The following MAPRE3 variants were observed in gnomAD, a reference collection of about 807,000 sequenced individuals.
MAPRE3 encodes the protein microtubule associated protein RP/EB family member 3.
MAPRE3 carries 2 observed loss-of-function variants against 30.5 expected under a neutral mutation model. That is an observed-to-expected ratio of 0.07 (90% confidence interval 0.03 to 0.21). The LOEUF is 0.21. Ranked by LOEUF, MAPRE3 falls within the 10% of genes least tolerant of loss-of-function variation. The pLI is 1.00. For missense variants in MAPRE3, 204 were observed against 351.8 expected, an observed-to-expected ratio of 0.58 and a Z score of 3.36; for synonymous variants, 110 against 127.7, an observed-to-expected ratio of 0.86 and a Z score of 0.93.
chr2:26,983,726 T>C (rs1666163995), intron 1 of MAPRE3, among the ~76,000 whole-genome samples: 1 of 152,216 alleles, frequency 6.6e-6, no homozygotes, highest in African/African-American at 2.4e-5. Context: ...AAATAACTAG[T>C]TGTTTTAAAG....
intron 1 of MAPRE3, chr2:27,013,157 C>T (rs1309039366): frequency 6.6e-6 from 1 of 152,658 alleles, no homozygotes; most frequent in African/African-American, 2.4e-5. Flanking sequence ...GTTCCCTTCC[C>T]AACACGTCAT....
chr2:26,990,050 G>A (rs1027965415), intron 1 of MAPRE3, among the ~76,000 whole-genome samples: 14 of 152,126 alleles, frequency 9.2e-5, no homozygotes, highest in Admixed American at 5.9e-4. Flanking sequence ...ACAGTGGTGC[G>A]TGCCTGAAGT....
chr2:27,010,498 A>G (rs372280357), intron 1 of MAPRE3, among the ~76,000 whole-genome samples: 8 of 135,618 alleles, frequency 5.9e-5, no homozygotes, highest in African/African-American at 2.2e-4. Flanking sequence ...GCTGGGGTGC[A>G]GTGGTGTGAT....
At chr2:26,997,136 C>T (rs969118737) in intron 1 of MAPRE3, among the ~76,000 whole-genome samples, 3 of 152,070 alleles carry the variant, frequency 2.0e-5, no homozygotes, top group South Asian at 2.1e-4. Flanking sequence ...AATTAGCAGT[C>T]CCCAACCTTT....
At chr2:26,983,777 C>T (rs1475256369) in intron 1 of MAPRE3, among the ~76,000 whole-genome samples, 1 of 152,186 alleles carries the variant, frequency 6.6e-6, no homozygotes. Context: ...ATATTCCTTT[C>T]AGCTTGGTTT....
rs1667125537 is a variant in MAPRE3, at chr2:27,022,344, G to A, written c.121+5G>A. The A allele has an allele frequency of 6.2e-7, 1 of 1,613,178 alleles. No homozygotes were observed. The highest frequency in any genetic ancestry group is 8.5e-7 in the Non-Finnish European group (1 of 1,179,348). ...AGATAGAACAGCTTTGTTCAGGTAGGAGGCTGGGAATATGGGAAGTGGCCC... is the reference window on the plus strand; with the variant it reads ...AGATAGAACAGCTTTGTTCAGGTAGAAGGCTGGGAATATGGGAAGTGGCCC... On this transcript the variant is annotated splice_donor_5th_base_variant and intron_variant, in intron 2 of 6. Transcript: ENST00000233121.
At chr2:27,009,769 C>T (rs1666807575) in intron 1 of MAPRE3, 1 of 152,258 alleles carries the variant, frequency 6.6e-6, no homozygotes, top group Non-Finnish European at 1.5e-5. Context: ...TTCCTCTTAA[C>T]TCTTACCTGC....
rs1667247792 is a variant in MAPRE3 at position 27,026,486 on chromosome 2, G to T, written c.*138G>T. The T allele has an allele frequency of 1.4e-6, 1 of 702,650 alleles. No individual in the cohort carries two copies. Among genetic ancestry groups the T allele is most frequent in the Admixed American group, 3.1e-5 (1 of 32,054 alleles). 43.5% of individuals were successfully genotyped at this position (702,650 alleles called of 1,614,324 possible). ...TGCAGCACTGGGGAGCCAGGCGAGG[G>T]GGGCTTGGGGGCATGGGGCCGGAAA... On this transcript the variant is annotated 3_prime_UTR_variant, in exon 7 of 7. Coordinates refer to ENST00000233121, the MANE Select transcript of MAPRE3 (RefSeq NM_012326.4).
At chr2:26,982,774 A>T (rs1486812937) in intron 1 of MAPRE3, among the ~76,000 whole-genome samples, 1 of 152,242 alleles carries the variant, frequency 6.6e-6, no homozygotes, top group Non-Finnish European at 1.5e-5. Flanking sequence ...GAGACCTAGC[A>T]GTATCTGGGG....
intron 2 of MAPRE3, chr2:27,022,569 A>C (rs548184170): frequency 2.0e-6 from 1 of 508,406 alleles, no homozygotes; most frequent in East Asian, 3.3e-5. Flanking sequence ...GGTATAGCCT[A>C]CTACTCCTAG....
At chr2:26,992,217 T>C (rs1481639523) in intron 1 of MAPRE3, among the ~76,000 whole-genome samples, 1 of 145,406 alleles carries the variant, frequency 6.9e-6, no homozygotes, top group African/African-American at 2.5e-5. Context: ...CACTGACTAA[T>C]GTTACCAGAT....
At chr2:26,987,495 G>T (rs1666248702) in intron 1 of MAPRE3, among the ~76,000 whole-genome samples, 1 of 152,016 alleles carries the variant, frequency 6.6e-6, no homozygotes, top group South Asian at 2.1e-4. Context: ...AAAAATAGCT[G>T]GGCATGGTGG....
intron 1 of MAPRE3, among the ~76,000 whole-genome samples, chr2:27,019,594 C>A (rs149464736): frequency 1.3e-5 from 2 of 152,186 alleles, no homozygotes; most frequent in Non-Finnish European, 2.9e-5. Context: ...GGCGCAGAGA[C>A]GTTGTGGAGG....
chr2:26,974,629 C>T (rs1665981257), intron 1 of MAPRE3, among the ~76,000 whole-genome samples: 1 of 152,168 alleles, frequency 6.6e-6, no homozygotes, highest in South Asian at 2.1e-4. Flanking sequence ...CCTTGGGAAG[C>T]GCGGAGGCAG....
intron 1 of MAPRE3, chr2:26,996,900 G>A (rs917779091): frequency 2.0e-5 from 3 of 152,136 alleles, no homozygotes; most frequent in Admixed American, 6.5e-5. Context: ...GTGAAGAAAC[G>A]GCTCTCACTT....
intron 1 of MAPRE3, among the ~76,000 whole-genome samples, chr2:27,009,019 C>T (rs1666792174): frequency 6.7e-6 from 1 of 149,528 alleles, no homozygotes; most frequent in Non-Finnish European, 1.5e-5. Context: ...TAATGGGGAA[C>T]AGGTCTGTGG....
At position 27,022,293 on chromosome 2, in the gene MAPRE3, C is replaced by T. The variant is rs149090215; in HGVS notation, c.75C>T (p.Asn25=). ...GCCATGATATGCTTGCATGGGTCAA[C>T]GACTCCCTGCACCTCAACTATACCA... ...LSRHDMLAWV[N]DSLHLNYTKI... is the part of the protein sequence containing the mutation. The change falls in exon 2 of 7, where the codon AAC becomes AAT. Residue 25 remains asparagine (N), a synonymous_variant. Coordinates refer to ENST00000233121, the MANE Select transcript of MAPRE3 (RefSeq NM_012326.4). 1.3e-3 allele frequency: 2,138 copies of T among 1,614,090 alleles called. 17 individuals carry two copies. Among genetic ancestry groups the T allele is most frequent in the South Asian group, 1.0e-2 (908 of 91,082 alleles).
chr2:27,020,983 A>AG (rs1218772273), intron 1 of MAPRE3, among the ~76,000 whole-genome samples: 3 of 152,212 alleles, frequency 2.0e-5, no homozygotes, highest in South Asian at 4.1e-4. Flanking sequence ...AAAAATATTC[A>AG]GGAAAAAAAA....
At position 26,982,451 on chromosome 2, in the gene MAPRE3, T is replaced by C. The variant is rs148537449; in HGVS notation, c.-8+11649T>C. ...ACTGACATTACCTTGCCTGGACATTTTGTAGTCCCGTTTCATGAAAGCCAG... is the reference window on the plus strand; with the variant it reads ...ACTGACATTACCTTGCCTGGACATTCTGTAGTCCCGTTTCATGAAAGCCAG... On this transcript the variant is annotated intron_variant, in intron 1 of 6. Transcript: ENST00000233121. Among the ~76,000 whole-genome samples, 956 of 152,358 alleles carry C rather than the reference T, an allele frequency of 6.3e-3. 10 individuals carry two copies. Among genetic ancestry groups the C allele is most frequent in the African/African-American group, 0.022 (935 of 41,574 alleles).
Sources: gnomAD v4.1 joint callset for allele counts (sites outside exome capture counted in the v4.1 genomes callset) on GRCh38, gnomAD v4.1.1 for gene constraint, MANE v1.5 for transcripts, NCBI Gene and HGNC (gene_info 2026-07-23, HGNC 2026-07-21) for gene names.